MAPK10: variants seen among roughly 807,000 people sequenced by gnomAD.
MAPK10 encodes mitogen-activated protein kinase 10.
MAPK10 carries 25 observed loss-of-function variants against 59.3 expected under a neutral mutation model. The ratio of observed to expected loss-of-function variants is 0.42; its 90% CI spans 0.31 to 0.59. The LOEUF (loss-of-function observed/expected upper bound fraction) is 0.59, where lower values mean the gene tolerates loss of function less well. Among genes scored for constraint, MAPK10 ranks in the 20% least tolerant of loss-of-function variants. The pLI, the probability that MAPK10 is intolerant of heterozygous loss-of-function variation, is 0.15. For missense variants in MAPK10, 351 were observed against 568.9 expected, an observed-to-expected ratio of 0.62 and a Z score of 3.90; for synonymous variants, 190 against 200.5, an observed-to-expected ratio of 0.95 and a Z score of 0.44.
intron 1 of MAPK10, among the ~76,000 whole-genome samples, chr4:86,577,281 A>C (rs1461590336): frequency 6.6e-6 from 1 of 152,146 alleles, no homozygotes; most frequent in Admixed American, 6.5e-5. Context: ...ACTGCACTCT[A>C]GTCTGGGTGA....
intron 4 of MAPK10, among the ~76,000 whole-genome samples, chr4:86,116,321 T>C (rs1449021245): frequency 6.6e-6 from 1 of 152,210 alleles, no homozygotes; most frequent in East Asian, 1.9e-4. Flanking sequence ...CAGAGTCTCC[T>C]TGGGCTGATT....
chr4:86,345,185 C>T lies in MAPK10; in HGVS notation c.-7+9345G>A, dbSNP rs567012799. Among the ~76,000 whole-genome samples the T allele has an allele frequency of 1.2e-3, 183 of 152,266 alleles. 2 individuals are homozygous for T. The Middle Eastern group carries it at 0.014, about 11-fold the overall frequency. ...CCTCTCTAATAGCCTTCTGAGCCCC[C>T]TCTTCCCCTCGTAGCTGCTTTGCAT... On this transcript the variant is annotated intron_variant, in intron 2 of 13. Transcript: ENST00000641462.
chr4:86,153,433 A>C (rs2066945160), intron 4 of MAPK10, among the ~76,000 whole-genome samples: 1 of 152,200 alleles, frequency 6.6e-6, no homozygotes, highest in Admixed American at 6.5e-5. Flanking sequence ...GAATGACAGA[A>C]TTCAGAATAA....
At chr4:86,525,739 T>C (rs988118728) in intron 1 of MAPK10, among the ~76,000 whole-genome samples, 1 of 152,238 alleles carries the variant, frequency 6.6e-6, no homozygotes, top group Non-Finnish European at 1.5e-5. Flanking sequence ...AACAAGCACC[T>C]AATCTTCAAT....
chr4:86,539,294 T>A (rs1758493016), intron 1 of MAPK10, among the ~76,000 whole-genome samples: 1 of 152,168 alleles, frequency 6.6e-6, no homozygotes, highest in Admixed American at 6.5e-5. Flanking sequence ...TCAACATCTT[T>A]AAAGCACTGG....
At chr4:86,028,269 T>C (rs1205833075) in intron 13 of MAPK10, 1 of 152,148 alleles carries the variant, frequency 6.6e-6, no homozygotes, top group Non-Finnish European at 1.5e-5. Context: ...TTAACCTTCT[T>C]TGAGGAAGGG....
chr4:86,513,826 A>G (rs1756459274), intron 1 of MAPK10, among the ~76,000 whole-genome samples: 1 of 152,198 alleles, frequency 6.6e-6, no homozygotes, highest in African/African-American at 2.4e-5. Context: ...GATAACAAAG[A>G]CCTATGGAAC....
chr4:86,381,559 G>A (rs1358392712), intron 1 of MAPK10, among the ~76,000 whole-genome samples: 1 of 152,134 alleles, frequency 6.6e-6, no homozygotes, highest in East Asian at 1.9e-4. Context: ...GCAGGATACT[G>A]GAAGGCAGGA....
intron 4 of MAPK10, among the ~76,000 whole-genome samples, chr4:86,127,954 T>TA (rs915165644): frequency 3.3e-5 from 5 of 152,020 alleles, no homozygotes; most frequent in African/African-American, 1.2e-4. Flanking sequence ...AAACTATATG[T>TA]AGGGATTTTT....
intron 2 of MAPK10, among the ~76,000 whole-genome samples, chr4:86,251,914 C>T (rs1424324227): frequency 7.9e-6 from 1 of 126,068 alleles, no homozygotes; most frequent in Non-Finnish European, 1.6e-5. Flanking sequence ...ATTTGCATTT[C>T]TCTGATGGCC....
At chr4:86,583,727 A>T (rs1762468448) in intron 1 of MAPK10, among the ~76,000 whole-genome samples, 1 of 152,162 alleles carries the variant, frequency 6.6e-6, no homozygotes, top group Non-Finnish European at 1.5e-5. Context: ...CTTATCAGAT[A>T]CTCTGTTACT....
At chr4:86,429,797 A>G (rs1747789525) in intron 1 of MAPK10, 1 of 150,416 alleles carries the variant, frequency 6.6e-6, no homozygotes, top group South Asian at 2.1e-4. Flanking sequence ...ACAGAACTAG[A>G]TCCTGTCTCT....
At chr4:86,058,775 C>T (rs2045142684) in intron 11 of MAPK10, among the ~76,000 whole-genome samples, 1 of 132,240 alleles carries the variant, frequency 7.6e-6, no homozygotes, top group Non-Finnish European at 1.7e-5. Flanking sequence ...CTCCTGACTA[C>T]CCAGCTGGTC....
At chr4:86,423,770 C>T (rs7434963) in intron 1 of MAPK10, among the ~76,000 whole-genome samples, 13,239 of 88,456 alleles carry the variant, frequency 0.15, 1,015 homozygotes, top group East Asian at 0.21. Flanking sequence ...GATATATATA[C>T]ATATATATAT....
In MAPK10 at chr4:86,423,948, G is replaced by C. The variant is rs371252600; in HGVS notation, c.-122+29082C>G. 2.6e-4 allele frequency among the ~76,000 whole-genome samples: 39 copies of C among 151,830 alleles called. 1 individual carries two copies. In the South Asian group the frequency reaches 8.1e-3, roughly 32 times the overall value. On this transcript the variant is annotated intron_variant, in intron 1 of 13. Transcript: ENST00000361569. ...CTACAAGATATAGAGTAAAGGTAAA[G>C]ATTTGAGATCCAAAAACCAATTAGG...
chr4:86,184,443 T>C (rs2077673935), intron 3 of MAPK10, among the ~76,000 whole-genome samples: 1 of 152,166 alleles, frequency 6.6e-6, no homozygotes, highest in African/African-American at 2.4e-5. Context: ...TTGCTACTGA[T>C]TACATAAGCA....
intron 1 of MAPK10, among the ~76,000 whole-genome samples, chr4:86,544,469 T>C (rs899572253): frequency 2.6e-5 from 4 of 152,236 alleles, no homozygotes; most frequent in African/African-American, 9.6e-5. Context: ...CACAAACATC[T>C]AAATAGTCAT....
At chr4:86,021,487 A>G (rs1399615507) in intron 13 of MAPK10, among the ~76,000 whole-genome samples, 1 of 152,254 alleles carries the variant, frequency 6.6e-6, no homozygotes, top group African/African-American at 2.4e-5. Context: ...ACAATCCCTG[A>G]GCTAGACATA....
intron 1 of MAPK10, among the ~76,000 whole-genome samples, chr4:86,542,742 T>C (rs935363842): frequency 1.2e-4 from 19 of 152,150 alleles, no homozygotes; most frequent in African/African-American, 4.6e-4. Context: ...CTAGCCAAAG[T>C]CTTAGAGAAA....
Sources: allele counts gnomAD v4.1 joint callset (sites outside exome capture counted in the v4.1 genomes callset), GRCh38; gene constraint gnomAD v4.1.1; transcripts MANE v1.5; gene names NCBI Gene and HGNC (gene_info 2026-07-23, HGNC 2026-07-21).